DGKB: variants seen among roughly 807,000 people sequenced by gnomAD.
The protein encoded by DGKB is diacylglycerol kinase beta, also known as 90 kDa diacylglycerol kinase.
In DGKB, 67 loss-of-function variants were observed where a neutral mutation model predicts 114.3. That is an observed-to-expected ratio of 0.59 (90% CI 0.48 to 0.72). The LOEUF is 0.72. DGKB is among the 30% of genes least tolerant of loss of function. The pLI is 0.00. For missense variants in DGKB, 907 were observed against 975.2 expected, an observed-to-expected ratio of 0.93 and a Z score of 0.93; for synonymous variants, 398 against 323.1, an observed-to-expected ratio of 1.23 and a Z score of -2.49.
chr7:14,251,501 A>G (rs1225313958), intron 23 of DGKB, among the ~76,000 whole-genome samples: 3 of 152,104 alleles, frequency 2.0e-5, no homozygotes, highest in Non-Finnish European at 4.4e-5. Context: ...TTGTTTGTCT[A>G]TTAACTTTTA....
At chr7:14,649,428 T>C (rs1007232534) in intron 13 of DGKB, among the ~76,000 whole-genome samples, 2 of 150,132 alleles carry the variant, frequency 1.3e-5, no homozygotes, top group Non-Finnish European at 3.0e-5. Flanking sequence ...TAAAATACTT[T>C]ACAGACAAGC....
chr7:14,354,225 T>C (rs1814039909), intron 21 of DGKB, among the ~76,000 whole-genome samples: 1 of 152,204 alleles, frequency 6.6e-6, no homozygotes. Context: ...TAGCAAAATG[T>C]AATAAGGTAT....
At chr7:14,203,007 T>C (rs1040444950) in intron 23 of DGKB, among the ~76,000 whole-genome samples, 1 of 151,816 alleles carries the variant, frequency 6.6e-6, no homozygotes, top group Non-Finnish European at 1.5e-5. Flanking sequence ...ACTCATGTAA[T>C]ACTGTAAGAT....
intron 17 of DGKB, among the ~76,000 whole-genome samples, chr7:14,589,229 T>A (rs1023353529): frequency 6.6e-6 from 1 of 152,036 alleles, no homozygotes; most frequent in Non-Finnish European, 1.5e-5. Flanking sequence ...TTGAGTGTTA[T>A]ACATTGATTT....
intron 20 of DGKB, among the ~76,000 whole-genome samples, chr7:14,551,934 C>T (rs1187893876): frequency 6.6e-6 from 1 of 151,954 alleles, no homozygotes; most frequent in South Asian, 2.1e-4. Context: ...AAAGATAATA[C>T]AGATGTTTGT....
At chr7:14,892,670 A>G (rs977783380) in intron 1 of DGKB, among the ~76,000 whole-genome samples, 22 of 151,152 alleles carry the variant, frequency 1.5e-4, no homozygotes, top group East Asian at 1.9e-4. Context: ...AACCTGTCTA[A>G]TTTTATCCAT....
intron 23 of DGKB, among the ~76,000 whole-genome samples, chr7:14,274,678 T>A (rs1798737432): frequency 6.6e-6 from 1 of 152,114 alleles, no homozygotes; most frequent in Admixed American, 6.6e-5. Flanking sequence ...GAATTTGGTA[T>A]CTGGTATTTG....
At chr7:14,629,756 A>G (rs919604524) in intron 14 of DGKB, among the ~76,000 whole-genome samples, 5 of 152,110 alleles carry the variant, frequency 3.3e-5, no homozygotes, top group African/African-American at 9.7e-5. Flanking sequence ...TCTCTATACA[A>G]TGGCATGGGC....
At chr7:14,440,079 T>C (rs1829868200) in intron 21 of DGKB, among the ~76,000 whole-genome samples, 1 of 152,070 alleles carries the variant, frequency 6.6e-6, no homozygotes, top group Non-Finnish European at 1.5e-5. Flanking sequence ...CTGCTTCTAG[T>C]GAGCAAAGGC....
chr7:14,314,889 C>T (rs1469055114), intron 23 of DGKB, among the ~76,000 whole-genome samples: 4 of 151,802 alleles, frequency 2.6e-5, no homozygotes, highest in South Asian at 2.1e-4. Flanking sequence ...AGAGAAAGGT[C>T]GGGTTCCCCT....
chr7:14,743,218 C>T (rs1278242766), intron 4 of DGKB, among the ~76,000 whole-genome samples: 1 of 151,994 alleles, frequency 6.6e-6, no homozygotes, highest in Admixed American at 6.6e-5. Context: ...TAAAATTTGG[C>T]TCTCTCTCTC....
At chr7:14,510,649 CT>C (rs1186585934) in intron 20 of DGKB, among the ~76,000 whole-genome samples, 2 of 152,114 alleles carry the variant, frequency 1.3e-5, no homozygotes, top group Admixed American at 6.6e-5. Context: ...CATAAATGTC[CT>C]TAATAGCATC....
intron 23 of DGKB, among the ~76,000 whole-genome samples, chr7:14,189,227 G>C (rs1783946680): frequency 6.6e-6 from 1 of 152,060 alleles, no homozygotes; most frequent in African/African-American, 2.4e-5. Flanking sequence ...AATGGCAAAG[G>C]AACACACCAC....
At chr7:14,381,293 A>C (rs1286235971) in intron 21 of DGKB, among the ~76,000 whole-genome samples, 1 of 152,202 alleles carries the variant, frequency 6.6e-6, no homozygotes, top group Admixed American at 6.5e-5. Flanking sequence ...GTGGGTCTCC[A>C]TTTGTACTTT....
At chr7:14,869,894 G>C (rs1332352556) in intron 1 of DGKB, among the ~76,000 whole-genome samples, 1 of 152,090 alleles carries the variant, frequency 6.6e-6, no homozygotes, top group Non-Finnish European at 1.5e-5. Context: ...ACCAGATCTA[G>C]TTTATGATCT....
intron 20 of DGKB, among the ~76,000 whole-genome samples, chr7:14,486,392 G>T (rs1783814365): frequency 6.6e-6 from 1 of 152,188 alleles, no homozygotes. Context: ...GAATACTGGG[G>T]TAGGTAAAAC....
intron 1 of DGKB, among the ~76,000 whole-genome samples, chr7:14,932,930 G>A (rs36866): frequency 0.14 from 21,098 of 152,116 alleles, 1,768 homozygotes; most frequent in Non-Finnish European, 0.19. Context: ...CTATTTGGTC[G>A]GTCCAGTAAT....
intron 23 of DGKB, among the ~76,000 whole-genome samples, chr7:14,277,701 G>A (rs1799235622): frequency 6.6e-6 from 1 of 152,108 alleles, no homozygotes; most frequent in South Asian, 2.1e-4. Flanking sequence ...CTTAACCACT[G>A]TGTATAGTGC....
chr7:14,500,292 CAA>C (rs1478619589), intron 20 of DGKB, among the ~76,000 whole-genome samples: 2 of 151,644 alleles, frequency 1.3e-5, no homozygotes, highest in East Asian at 1.9e-4. Flanking sequence ...GATAAAAGAA[CAA>C]AGTGTTTTCA....
Sources: allele counts gnomAD v4.1 joint callset (sites outside exome capture counted in the v4.1 genomes callset), GRCh38; gene constraint gnomAD v4.1.1; transcripts MANE v1.5; gene names NCBI Gene and HGNC (gene_info 2026-07-23, HGNC 2026-07-21).